The following ADARB2 variants were observed in gnomAD, a reference collection of about 807,000 sequenced individuals.
The protein encoded by ADARB2 is inactive double-stranded RNA-specific editase B2.
A neutral mutation model predicts 62.2 loss-of-function variants in ADARB2; 25 were observed. That is an observed-to-expected ratio of 0.40 (90% CI 0.29 to 0.56). The LOEUF is 0.56. Among genes scored for constraint, ADARB2 ranks in the 20% least tolerant of loss-of-function variants. The pLI, the probability that ADARB2 is intolerant of heterozygous loss-of-function variation, is 0.43. For missense variants in ADARB2, 1,071 were observed against 1,077.4 expected (o/e 0.99, Z 0.08); for synonymous variants, 572 against 500.8 (o/e 1.14, Z -1.90).
At chr10:1,702,750 G>T (rs542420356) in intron 1 of ADARB2, among the ~76,000 whole-genome samples, 1 of 152,176 alleles carries the variant, frequency 6.6e-6, no homozygotes, top group Non-Finnish European at 1.5e-5. Flanking sequence ...CAGTGCTCTC[G>T]CTGATTTTCT....
chr10:1,531,670 C>T (rs1832242379), intron 1 of ADARB2, among the ~76,000 whole-genome samples: 1 of 152,110 alleles, frequency 6.6e-6, no homozygotes, highest in Non-Finnish European at 1.5e-5. Flanking sequence ...AACCCTGACT[C>T]TACTAAAAAT....
intron 1 of ADARB2, among the ~76,000 whole-genome samples, chr10:1,606,067 A>T (rs1331110437): frequency 6.6e-6 from 1 of 152,228 alleles, no homozygotes; most frequent in Non-Finnish European, 1.5e-5. Context: ...TATTTCTTTC[A>T]CGTGAAAATT....
chr10:1,676,193 G>A (rs997828020), intron 1 of ADARB2: 7 of 264,918 alleles, frequency 2.6e-5, no homozygotes, highest in Non-Finnish European at 4.1e-5. Context: ...AATTATTAGA[G>A]AGGCTCAAAG....
intron 2 of ADARB2, among the ~76,000 whole-genome samples, chr10:1,378,007 C>T (rs1381050389): frequency 3.3e-5 from 5 of 152,192 alleles, no homozygotes; most frequent in Admixed American, 3.3e-4. Context: ...CTCGCCTCCT[C>T]CCCATCCCGT....
chr10:1,644,427 C>T (rs1249274719), intron 1 of ADARB2, among the ~76,000 whole-genome samples: 1 of 152,260 alleles, frequency 6.6e-6, no homozygotes, highest in Non-Finnish European at 1.5e-5. Context: ...TCTGTCACCT[C>T]CCTTTGCTAT....
chr10:1,232,232 T>C (rs1830811197), intron 6 of ADARB2, among the ~76,000 whole-genome samples: 1 of 152,074 alleles, frequency 6.6e-6, no homozygotes, highest in Non-Finnish European at 1.5e-5. Flanking sequence ...ATTGCCTGCA[T>C]TGAAAGATCT....
At chr10:1,611,258 C>T (rs1239652198) in intron 1 of ADARB2, among the ~76,000 whole-genome samples, 2 of 152,202 alleles carry the variant, frequency 1.3e-5, no homozygotes, top group Admixed American at 1.3e-4. Context: ...CTTTCTTCTT[C>T]TCCTGGACCT....
intron 1 of ADARB2, among the ~76,000 whole-genome samples, chr10:1,492,248 T>C: frequency 6.6e-6 from 1 of 152,136 alleles, no homozygotes; most frequent in Non-Finnish European, 1.5e-5. Context: ...GATTGTTATG[T>C]GTTCAACGGT....
intron 1 of ADARB2, among the ~76,000 whole-genome samples, chr10:1,417,220 G>A (rs1832811619): frequency 6.6e-6 from 1 of 152,146 alleles, no homozygotes; most frequent in South Asian, 2.1e-4. Flanking sequence ...GACCAAGACA[G>A]TCAAGAAGTG....
intron 1 of ADARB2, among the ~76,000 whole-genome samples, chr10:1,381,635 C>A (rs2131861233): frequency 6.6e-6 from 1 of 152,262 alleles, no homozygotes; most frequent in Non-Finnish European, 1.5e-5. Context: ...TGCGGTACAG[C>A]CAAGCAACAG....
intron 1 of ADARB2, among the ~76,000 whole-genome samples, chr10:1,723,418 A>G (rs1203559628): frequency 6.6e-6 from 1 of 152,212 alleles, no homozygotes; most frequent in Non-Finnish European, 1.5e-5. Context: ...CGGAGGGACC[A>G]GGCTCTGATT....
chr10:1,537,715 G>A (rs1209419087), intron 1 of ADARB2, among the ~76,000 whole-genome samples: 1 of 152,168 alleles, frequency 6.6e-6, no homozygotes, highest in Non-Finnish European at 1.5e-5. Flanking sequence ...CACAGGAACA[G>A]AAAACCAAAC....
intron 4 of ADARB2, among the ~76,000 whole-genome samples, chr10:1,263,412 A>G (rs139245291): frequency 1.3e-5 from 2 of 152,362 alleles, no homozygotes; most frequent in East Asian, 3.9e-4. Flanking sequence ...CAACAAAGTT[A>G]GTGTTATGCT....
At chr10:1,548,859 C>G (rs1832566755) in intron 1 of ADARB2, among the ~76,000 whole-genome samples, 1 of 152,124 alleles carries the variant, frequency 6.6e-6, no homozygotes, top group Non-Finnish European at 1.5e-5. Context: ...CCTGGGCTGA[C>G]AGTTTTATTA....
At chr10:1,598,822 C>T (rs1302275851) in intron 1 of ADARB2, among the ~76,000 whole-genome samples, 7 of 152,170 alleles carry the variant, frequency 4.6e-5, no homozygotes, top group East Asian at 1.9e-4. Context: ...CAGACAGAAG[C>T]GAAGGGATCT....
chr10:1,656,612 T>G (rs181680317), intron 1 of ADARB2, among the ~76,000 whole-genome samples: 1 of 152,242 alleles, frequency 6.6e-6, no homozygotes, highest in East Asian at 1.9e-4. Flanking sequence ...GCACACTTGT[T>G]GCATAAAAGG....
At chr10:1,196,561 AATT>A (rs1291937870) in intron 8 of ADARB2, among the ~76,000 whole-genome samples, 1 of 152,164 alleles carries the variant, frequency 6.6e-6, no homozygotes, top group Non-Finnish European at 1.5e-5. Flanking sequence ...AATGAAAATT[AATT>A]ATTATACAAA....
At position 1,472,227 on chromosome 10, in the gene ADARB2, G is replaced by T. The variant is rs559289337; in HGVS notation, c.101-93067C>A. On this transcript the variant is annotated intron_variant, in intron 1 of 9. Coordinates refer to ENST00000381312, the MANE Select transcript of ADARB2 (RefSeq NM_018702.4). ...TAGGGTCTCAGGAGGAGGTGCTATG[G>T]CTGTGGCATCACCCAGGGAATACTT... Among the ~76,000 whole-genome samples the T allele has an allele frequency of 3.8e-4, 58 of 152,282 alleles. 1 individual carries two copies. Among genetic ancestry groups the T allele is most frequent in the African/African-American group, 1.2e-3 (50 of 41,542 alleles).
chr10:1,184,728 G>A lies in ADARB2; in HGVS notation c.2043+133C>T, dbSNP rs377570227. 1.8e-5 allele frequency: 19 copies of A among 1,041,706 alleles called. No individual in the cohort carries two copies. The East Asian group carries it at 3.9e-4, about 21-fold the overall frequency. 64.5% of individuals were successfully genotyped at this position (1,041,706 alleles called of 1,614,324 possible). A position where few individuals can be genotyped will look rare whatever the true frequency, so the allele number is the denominator to read the frequency against. ...TGCTGGCCTGGGCAGCTGGGAAAAG[G>A]ACATGTGATGGGCGCTGTGTCGTGC... On this transcript the variant is annotated intron_variant, in intron 9 of 9. Coordinates refer to ENST00000381312, the MANE Select transcript of ADARB2 (RefSeq NM_018702.4).
Sources: allele counts gnomAD v4.1 joint callset (sites outside exome capture counted in the v4.1 genomes callset), GRCh38; gene constraint gnomAD v4.1.1; transcripts MANE v1.5; gene names NCBI Gene and HGNC (gene_info 2026-07-23, HGNC 2026-07-21).